The following GGA3 variants were observed in gnomAD, a reference collection of about 807,000 sequenced individuals.
GGA3 encodes the protein golgi associated, gamma adaptin ear containing, ARF binding protein 3.
GGA3 carries 57 observed loss-of-function variants against 77.5 expected under a neutral mutation model. The observed-to-expected ratio is 0.74, with a 90% confidence interval of 0.59 to 0.92. GGA3 has a LOEUF of 0.92. Among genes scored for constraint, GGA3 ranks in the 40% least tolerant of loss-of-function variants. The pLI is 0.00. For synonymous variants in GGA3, 416 were observed against 383.7 expected, an observed-to-expected ratio of 1.08 and a Z score of -0.98; for missense variants, 970 against 914.9, an observed-to-expected ratio of 1.06 and a Z score of -0.78.
At chr17:75,255,726 C>A (rs1424059016) in intron 1 of GGA3, among the ~76,000 whole-genome samples, 1 of 152,248 alleles carries the variant, frequency 6.6e-6, no homozygotes, top group African/African-American at 2.4e-5. Flanking sequence ...CCTTATCAAC[C>A]AAATTGTTTT....
At chr17:75,254,589 A>C (rs1286607857) in intron 1 of GGA3, among the ~76,000 whole-genome samples, 1 of 152,096 alleles carries the variant, frequency 6.6e-6, no homozygotes, top group Non-Finnish European at 1.5e-5. Context: ...TTATTACCCA[A>C]TCTGCTCCCG....
In GGA3 at chr17:75,238,299, C is replaced by G. The variant is rs747513423; in HGVS notation, c.2152G>C (p.Glu718Gln). 4 of 1,613,412 alleles carry G rather than the reference C, an allele frequency of 2.5e-6. No homozygotes were observed. The South Asian group carries it at 4.4e-5, about 18-fold the overall frequency. Residue 718 changes from glutamate to glutamine, a missense_variant, in exon 17 of 17, where the codon GAA becomes CAA. Coordinates refer to ENST00000537686, the MANE Select transcript of GGA3 (RefSeq NM_138619.4). Reference protein sequence around the residue: ...VGEVDQFPPVEQWGNL With the variant: ...VGEVDQFPPVQQWGNL ...TGGGGTCATAGGTTCCCCCACTGTT[C>G]CACAGGAGGGAACTGGTCCACCTCG...
rs1313903006 is a variant in GGA3, at chr17:75,246,733, T to C, written c.104A>G (p.Gln35Arg). Reference protein sequence around the residue: ...DWEYIIGFCDQINKELEGPQI... With the variant: ...DWEYIIGFCDRINKELEGPQI... Reference sequence around the variant, plus strand: ...TCACCCTTCCAGCTCCTTGTTGATCTGATCACAGAAGCCAATTATGTATTC... The same window carrying C: ...TCACCCTTCCAGCTCCTTGTTGATCCGATCACAGAAGCCAATTATGTATTC... Residue 35 changes from glutamine (Q) to arginine (R), a missense_variant, in exon 2 of 17, where the codon CAG becomes CGG. Gln to Arg is a conservative substitution (Grantham distance 43). Coordinates refer to ENST00000537686, the MANE Select transcript of GGA3 (RefSeq NM_138619.4). 6.2e-7 allele frequency: 1 copy of C among 1,613,982 alleles called. No individual in the cohort carries two copies. The highest frequency in any genetic ancestry group is 1.3e-5 in the African/African-American group (1 of 75,056).
chr17:75,242,747 A>G lies in GGA3; in HGVS notation c.609+84T>C, dbSNP rs2076605427. 6.7e-6 allele frequency: 8 copies of G among 1,190,372 alleles called. No homozygotes were observed. The South Asian group carries it at 9.8e-5, about 15-fold the overall frequency. 73.7% of individuals were successfully genotyped at this position (1,190,372 alleles called of 1,614,324 possible). ...AGCTGGCAGCAGGGGAGAACAAAACAGGCCCGTGTCCGGGGCAAAGCGGCT... is the reference window on the plus strand; with the variant it reads ...AGCTGGCAGCAGGGGAGAACAAAACGGGCCCGTGTCCGGGGCAAAGCGGCT... On this transcript the variant is annotated intron_variant, in intron 7 of 16. Transcript: ENST00000537686.
At chr17:75,251,765 T>C (rs1333620001) in intron 1 of GGA3, among the ~76,000 whole-genome samples, 1 of 150,822 alleles carries the variant, frequency 6.6e-6, no homozygotes, top group East Asian at 1.9e-4. Context: ...CATTTCTTTT[T>C]CTTCTTCCTT....
rs1166200386 is a variant in GGA3 at position 75,239,493 on chromosome 17, G to A, written c.1662C>T (p.Ser554=). 1 of 1,576,802 alleles carries A rather than the reference G, an allele frequency of 6.3e-7. No individual in the cohort carries two copies. Among genetic ancestry groups the A allele is most frequent in the South Asian group, 1.2e-5 (1 of 85,916 alleles). The change falls in exon 14 of 17, where the codon TCC becomes TCT. Residue 554 remains serine (S), a synonymous_variant. Coordinates refer to ENST00000537686, the MANE Select transcript of GGA3 (RefSeq NM_138619.4). ...GGAAGAGCGGGCTGCCGGGCCCCGTGGAGAAGGGCAGGAGGGGCCTGGCTG... is the reference window on the plus strand; with the variant it reads ...GGAAGAGCGGGCTGCCGGGCCCCGTAGAGAAGGGCAGGAGGGGCCTGGCTG... ...TTPARPLLPF[S]TGPGSPLFQP...
At chr17:75,242,040 C>T (rs1406269913) in intron 8 of GGA3, 7 of 549,450 alleles carry the variant, frequency 1.3e-5, no homozygotes, top group East Asian at 9.4e-5. Context: ...GTCTTGATGT[C>T]CCCAAGGTAG....
In GGA3 at chr17:75,241,615, C is replaced by T; in HGVS notation, c.829G>A (p.Gly277Arg). ...SETEDNDNSLGDILQASDNLS... is the reference protein window; with the variant it reads ...SETEDNDNSLRDILQASDNLS... Reference sequence around the variant, plus strand: ...CCCTGACCGTCGCTCTTTCACTCACCCAAACTGTTATCATTGTCCTCAGTC... The same window carrying T: ...CCCTGACCGTCGCTCTTTCACTCACTCAAACTGTTATCATTGTCCTCAGTC... Residue 277 changes from glycine to arginine, a missense_variant and splice_region_variant, in exon 9 of 17, where the codon GGG (glycine) becomes AGG (arginine). Coordinates refer to ENST00000537686, the MANE Select transcript of GGA3 (RefSeq NM_138619.4). The T allele has an allele frequency of 6.2e-7, 1 of 1,613,890 alleles. No individual in the cohort carries two copies. The highest frequency in any genetic ancestry group is 8.5e-7 in the Non-Finnish European group (1 of 1,179,786).
In GGA3 at chr17:75,247,263, A is replaced by AC. The variant is rs1451885900; in HGVS notation, c.41-468_41-467insG. On this transcript the variant is annotated intron_variant, in intron 1 of 16. Transcript: ENST00000537686. ...AAAAAATACATATTTGTAACCACAA[A>AC]TTTTTTTTTTTTTTTTGACATGGAG... is the stretch of plus-strand genomic sequence containing the variant. 3.4e-5 allele frequency among the ~76,000 whole-genome samples: 5 copies of AC among 145,876 alleles called. No homozygotes were observed. In the East Asian group the frequency reaches 1.0e-3, roughly 29 times the overall value.
Position 75,236,845 on chromosome 17 carries a change from A to G in GGA3, c.*1434T>C, listed in dbSNP as rs942842563. 4.6e-5 allele frequency: 7 copies of G among 153,760 alleles called. No individual in the cohort carries two copies. The highest frequency in any genetic ancestry group is 9.7e-5 in the African/African-American group (4 of 41,436). 9.5% of individuals were successfully genotyped at this position (153,760 alleles called of 1,614,324 possible). A position where few individuals can be genotyped will look rare whatever the true frequency, so the allele number is the denominator to read the frequency against. ...TTCCTTAAGTAGTGAAAAATGATTC[A>G]CTTTTGACTTGTCCTCTTCTAATGA... is the stretch of plus-strand genomic sequence containing the variant. On this transcript the variant is annotated 3_prime_UTR_variant, in exon 17 of 17. Transcript: ENST00000537686.
chr17:75,260,879 AAC>A (rs2077338107), intron 1 of GGA3, among the ~76,000 whole-genome samples: 1 of 151,244 alleles, frequency 6.6e-6, no homozygotes, highest in South Asian at 2.1e-4. Context: ...ATAGGCTATC[AAC>A]ACTGACTCGT....
intron 10 of GGA3, 29 bp downstream of exon 10, chr17:75,241,371 G>T (rs370174213): frequency 5.0e-6 from 7 of 1,404,356 alleles, no homozygotes; most frequent in Non-Finnish European, 7.1e-6. Flanking sequence ...GTCTGGAGGA[G>T]CCTAGAGTTG....
intron 1 of GGA3, among the ~76,000 whole-genome samples, chr17:75,249,830 G>A (rs919789206): frequency 2.0e-4 from 31 of 152,156 alleles, no homozygotes; most frequent in African/African-American, 7.0e-4. Context: ...TTCACCATAC[G>A]TTATCTTCTT....
intron 1 of GGA3, among the ~76,000 whole-genome samples, chr17:75,258,954 T>TC (rs1460069353): frequency 1.1e-5 from 1 of 94,142 alleles, no homozygotes; most frequent in Non-Finnish European, 1.8e-5. Context: ...CCTTGTATCT[T>TC]TTTTTTTTTT....
At chr17:75,242,237 G>A in intron 8 of GGA3, 99 bp downstream of exon 8, 3 of 1,257,020 alleles carry the variant, frequency 2.4e-6, no homozygotes, top group Non-Finnish European at 3.5e-6. Flanking sequence ...CAAGTGCACA[G>A]CCCGTGTCTC....
At chr17:75,250,512 C>T (rs1231902134) in intron 1 of GGA3, among the ~76,000 whole-genome samples, 3 of 152,186 alleles carry the variant, frequency 2.0e-5, no homozygotes, top group East Asian at 3.8e-4. Flanking sequence ...CCCGTAATCT[C>T]AGCACTTTGG....
intron 14 of GGA3, 132 bp from the exon 15 acceptor site, chr17:75,239,215 G>A (rs932167942): frequency 4.1e-6 from 4 of 983,156 alleles, no homozygotes; most frequent in Admixed American, 2.7e-5. Flanking sequence ...TGGGAGAGGC[G>A]CTCAGTGAGG....
intron 1 of GGA3, chr17:75,248,858 A>G (rs2076861488): frequency 6.1e-6 from 6 of 983,956 alleles, no homozygotes; most frequent in Non-Finnish European, 6.0e-6. Context: ...TGAACACATC[A>G]TAACAGAGAC....
rs780745087 is a variant in GGA3, at chr17:75,238,296, G to T, written c.2155C>A (p.Gln719Lys). Residue 719 changes from glutamine (Q) to lysine (K), a missense_variant, in exon 17 of 17, where the codon CAG becomes AAG. Coordinates refer to ENST00000537686, the MANE Select transcript of GGA3 (RefSeq NM_138619.4). ...CTCTGGGGTCATAGGTTCCCCCACT[G>T]TTCCACAGGAGGGAACTGGTCCACC... Reference protein sequence around the residue: ...GEVDQFPPVEQWGNL With the variant: ...GEVDQFPPVEKWGNL 1.9e-6 allele frequency: 3 copies of T among 1,613,380 alleles called. No homozygotes were observed. In the Admixed American group the frequency reaches 5.0e-5, roughly 27 times the overall value.
Sources: gnomAD v4.1 joint callset for allele counts (sites outside exome capture counted in the v4.1 genomes callset) on GRCh38, gnomAD v4.1.1 for gene constraint, MANE v1.5 for transcripts, NCBI Gene and HGNC (gene_info 2026-07-23, HGNC 2026-07-21) for gene names.